TBL1X: variants seen among roughly 807,000 people sequenced by gnomAD.
TBL1X encodes the protein transducin beta like 1 X-linked.
In TBL1X, 10 loss-of-function variants were observed where a neutral mutation model predicts 50.7. The ratio of observed to expected loss-of-function variants is 0.20; its 90% confidence interval spans 0.12 to 0.33. TBL1X has a LOEUF of 0.33. Ranked by LOEUF, TBL1X falls within the 10% of genes least tolerant of loss-of-function variation. The pLI is 1.00. For missense variants in TBL1X, 340 were observed against 504.4 expected (o/e 0.67, Z 3.12); for synonymous variants, 190 against 214.7 (o/e 0.88, Z 1.01).
intron 1 of TBL1X, among the ~76,000 whole-genome samples, chrX:9,471,732 C>T (rs906143037): frequency 9.0e-6 from 1 of 111,694 alleles, no homozygotes; most frequent in Non-Finnish European, 1.9e-5. Flanking sequence ...ACAAACAATG[C>T]TCACGGCAAA....
chrX:9,657,471 G>A (rs1049965314), intron 5 of TBL1X, among the ~76,000 whole-genome samples: 1 of 112,367 alleles, frequency 8.9e-6, no homozygotes, highest in Non-Finnish European at 1.9e-5. Context: ...CTGCAAGGAG[G>A]AATCTTCAGT....
intron 2 of TBL1X, among the ~76,000 whole-genome samples, chrX:9,511,960 A>C (rs1480974000): frequency 9.0e-6 from 1 of 111,619 alleles, no homozygotes; most frequent in Non-Finnish European, 1.9e-5. Context: ...TCTGGGGCTC[A>C]AGTGATTCTC....
At chrX:9,487,187 T>C (rs1336051412) in intron 1 of TBL1X, among the ~76,000 whole-genome samples, 1 of 112,027 alleles carries the variant, frequency 8.9e-6, no homozygotes, top group Non-Finnish European at 1.9e-5. Context: ...CTAAAGTGTG[T>C]AATTCAGGAA....
intron 5 of TBL1X, among the ~76,000 whole-genome samples, chrX:9,661,880 C>T (rs1018190971): frequency 9.0e-6 from 1 of 110,837 alleles, no homozygotes; most frequent in Admixed American, 9.6e-5. Flanking sequence ...AGTGAGATCC[C>T]CTCTGAAAAA....
At chrX:9,546,042 C>T (rs5979112) in intron 2 of TBL1X, among the ~76,000 whole-genome samples, 11,138 of 111,312 alleles carry the variant, frequency 0.1, 626 homozygotes, top group African/African-American at 0.21. Flanking sequence ...TCTCCTTCTC[C>T]ATCCTTGGTG....
At position 9,719,178 on chromosome X, in the gene TBL1X, T is replaced by C. The variant is rs911308471; in HGVS notation, c.*2932T>C. 8.9e-6 allele frequency: 1 copy of C among 112,280 alleles called. No individual in the cohort carries two copies. The highest frequency in any genetic ancestry group is 1.9e-5 in the Non-Finnish European group (1 of 53,206). The allele number at this position is 112,280 out of a possible 1,213,427, so 9.3% of individuals were successfully genotyped here. ...CTAGAGTGTTTGGTCGGGTTCACAG[T>C]GACCGAGAGTCAGGTCCAGCACACA... is the stretch of plus-strand genomic sequence containing the variant. On this transcript the variant is annotated 3_prime_UTR_variant, in exon 18 of 18. Coordinates refer to ENST00000645353, the MANE Select transcript of TBL1X (RefSeq NM_005647.4).
At chrX:9,576,670 T>G (rs1004022390) in intron 2 of TBL1X, among the ~76,000 whole-genome samples, 10 of 104,589 alleles carry the variant, frequency 9.6e-5, no homozygotes, top group Admixed American at 7.3e-4. Context: ...AAACTAGCTC[T>G]TTAGATCTTT....
intron 2 of TBL1X, among the ~76,000 whole-genome samples, chrX:9,604,802 C>T (rs1028871156): frequency 9.0e-6 from 1 of 110,912 alleles, no homozygotes; most frequent in East Asian, 2.9e-4. Context: ...CTTCTGAGCC[C>T]GGCCCTGTTC....
intron 2 of TBL1X, among the ~76,000 whole-genome samples, chrX:9,556,502 A>G (rs1300496020): frequency 9.2e-6 from 1 of 109,211 alleles, no homozygotes; most frequent in Non-Finnish European, 1.9e-5. Context: ...TCTCTAAAAA[A>G]AAAAAAGCCA....
chrX:9,571,758 C>G (rs958607668), intron 2 of TBL1X, among the ~76,000 whole-genome samples: 2 of 111,560 alleles, frequency 1.8e-5, no homozygotes, highest in Middle Eastern at 4.2e-3. Flanking sequence ...CACCAACCAC[C>G]TGGCACCCAC....
chrX:9,622,602 C>T (rs759532869), intron 2 of TBL1X, among the ~76,000 whole-genome samples: 4 of 111,365 alleles, frequency 3.6e-5, no homozygotes, highest in Non-Finnish European at 7.5e-5. Context: ...ATTACAGGTG[C>T]GCGCCACCAC....
rs201009144 is a variant in TBL1X at position 9,572,613 on chromosome X, C to A, written c.-130-67660C>A. Among the ~76,000 whole-genome samples the A allele has an allele frequency of 4.4e-4, 50 of 112,749 alleles. No individual in the cohort carries two copies. In the East Asian group the frequency reaches 0.011, roughly 24 times the overall value. ...TTTGTTCTAGCATGTTATCACAGTA[C>A]CGAATTCCAAAGAAACTGCTGTTTA... On this transcript the variant is annotated intron_variant, in intron 2 of 17. Coordinates refer to ENST00000645353, the MANE Select transcript of TBL1X (RefSeq NM_005647.4).
intron 2 of TBL1X, among the ~76,000 whole-genome samples, chrX:9,545,294 C>T (rs948375174): frequency 5.4e-5 from 6 of 111,160 alleles, no homozygotes; most frequent in African/African-American, 2.0e-4. Context: ...ATAATCCCAG[C>T]ACTTTGCGGG....
chrX:9,707,078 C>G lies in TBL1X; in HGVS notation c.1236+1964C>G. 1.8e-5 allele frequency among the ~76,000 whole-genome samples: 2 copies of G among 111,783 alleles called. 1 individual carries two copies. The highest frequency in any genetic ancestry group is 3.8e-5 in the Non-Finnish European group (2 of 53,112). ...TGGGACCATGGCATCTTGCCTTTCT[C>G]TCACCAGCACCCAGGATATCTCTGT... On this transcript the variant is annotated intron_variant, in intron 13 of 17. Coordinates refer to ENST00000645353, the MANE Select transcript of TBL1X (RefSeq NM_005647.4).
chrX:9,593,907 G>C (rs937574847), intron 2 of TBL1X, among the ~76,000 whole-genome samples: 3 of 111,614 alleles, frequency 2.7e-5, no homozygotes, highest in Non-Finnish European at 5.6e-5. Context: ...CCACTGCAAG[G>C]GGGAGAAGGG....
At chrX:9,661,185 G>A (rs1034520697) in intron 5 of TBL1X, among the ~76,000 whole-genome samples, 1 of 112,612 alleles carries the variant, frequency 8.9e-6, no homozygotes, top group Non-Finnish European at 1.9e-5. Context: ...GACTTTCAGG[G>A]TTGTGAATAT....
chrX:9,667,034 C>T (rs749248668), intron 5 of TBL1X, among the ~76,000 whole-genome samples: 1 of 111,713 alleles, frequency 9.0e-6, no homozygotes, highest in African/African-American at 3.3e-5. Context: ...TTTAAACAAG[C>T]GGGAGGATCA....
chrX:9,570,972 C>T (rs925758100), intron 2 of TBL1X, among the ~76,000 whole-genome samples: 60 of 111,952 alleles, frequency 5.4e-4, no homozygotes, highest in African/African-American at 1.7e-3. Flanking sequence ...CCACCGCGCC[C>T]GGCCCAAAGT....
intron 2 of TBL1X, among the ~76,000 whole-genome samples, chrX:9,570,252 G>A (rs1307375082): frequency 8.9e-6 from 1 of 112,054 alleles, no homozygotes; most frequent in African/African-American, 3.2e-5. Flanking sequence ...GCATTTGTGT[G>A]TAGCCAACAC....
Sources: gnomAD v4.1 joint callset for allele counts (sites outside exome capture counted in the v4.1 genomes callset) on GRCh38, gnomAD v4.1.1 for gene constraint, MANE v1.5 for transcripts, NCBI Gene and HGNC (gene_info 2026-07-23, HGNC 2026-07-21) for gene names.